Variants in DNAJC3 observed in about 807,000 individuals in gnomAD.
DNAJC3 encodes the protein DnaJ heat shock protein family (Hsp40) member C3.
Under a neutral mutation model 68.6 loss-of-function variants are expected in DNAJC3, and 38 were observed. The ratio of observed to expected loss-of-function variants is 0.55; its 90% CI spans 0.43 to 0.73. The LOEUF is 0.73. Among genes scored for constraint, DNAJC3 ranks in the 30% least tolerant of loss-of-function variants. The pLI is 0.00. For synonymous variants in DNAJC3, 203 were observed against 204.0 expected (o/e 1.00, Z 0.04); for missense variants, 526 against 591.9 (o/e 0.89, Z 1.16).
rs1282984235 is a variant in DNAJC3, at chr13:95,792,468, G to GAAATC, written c.*1441_*1445dup. 1 of 151,992 alleles carries GAAATC rather than the reference G, an allele frequency of 6.6e-6. No homozygotes were observed. The highest frequency in any genetic ancestry group is 2.4e-5 in the African/African-American group (1 of 41,380). 9.4% of individuals were successfully genotyped at this position (151,992 alleles called of 1,614,324 possible). On this transcript the variant is annotated 3_prime_UTR_variant, in exon 12 of 12. Transcript: ENST00000602402. The stretch of plus-strand genomic sequence containing the variant: ...AAGGGTCTAATTTTTTTTTCTTAAT[G>GAAATC]AAATCAAGCATTTTAATTCACTGTG...
intron 1 of DNAJC3, among the ~76,000 whole-genome samples, chr13:95,681,149 G>A (rs1879899345): frequency 6.6e-6 from 1 of 152,104 alleles, no homozygotes; most frequent in Admixed American, 6.6e-5. Context: ...TCCCGCTTTA[G>A]ACTGAGTGGT....
intron 9 of DNAJC3, among the ~76,000 whole-genome samples, chr13:95,765,567 G>GTTTTTTTT (rs1024972959): frequency 9.8e-6 from 1 of 102,348 alleles, no homozygotes; most frequent in African/African-American, 3.8e-5. Flanking sequence ...TAATTGATCT[G>GTTTTTTTT]TTTTTTTTTT....
At chr13:95,688,479 C>T (rs1289402369) in intron 1 of DNAJC3, among the ~76,000 whole-genome samples, 1 of 148,398 alleles carries the variant, frequency 6.7e-6, no homozygotes, top group Non-Finnish European at 1.5e-5. Context: ...GGATTTTTAT[C>T]ATACAGGGGT....
At chr13:95,688,241 C>T (rs893500926) in intron 1 of DNAJC3, among the ~76,000 whole-genome samples, 1 of 152,112 alleles carries the variant, frequency 6.6e-6, no homozygotes, top group Admixed American at 6.5e-5. Context: ...TATTTGACTT[C>T]TTTTCCTATT....
At position 95,764,762 on chromosome 13, in the gene DNAJC3, T is replaced by TATATAATACATGTATATATATAC. The variant is rs1486802813; in HGVS notation, c.1075+814_1075+815insATACATGTATATATATACATATA. Among the ~76,000 whole-genome samples, 5 of 124,080 alleles carry TATATAATACATGTATATATATAC rather than the reference T, an allele frequency of 4.0e-5. No homozygotes were observed. The East Asian group carries it at 1.1e-3, about 28-fold the overall frequency. 81.4% of individuals were successfully genotyped at this position (124,080 alleles called of 152,430 possible). ...TATATAATACATGTATATATATACATATATATATATAGTTTTGTGCCTTTT... is the reference window on the plus strand; with the variant it reads ...TATATAATACATGTATATATATACATATATAATACATGTATATATATACATATATATATAGTTTTGTGCCTTTT... On this transcript the variant is annotated intron_variant, in intron 9 of 11. Coordinates refer to ENST00000602402, the MANE Select transcript of DNAJC3 (RefSeq NM_006260.5).
intron 1 of DNAJC3, chr13:95,694,975 G>A (rs1880394847): frequency 4.6e-5 from 7 of 152,476 alleles, no homozygotes; most frequent in Admixed American, 4.6e-4. Context: ...ACTCCCATGA[G>A]GCCAAATATC....
chr13:95,785,927 A>G lies in DNAJC3; in HGVS notation c.1076-12A>G, dbSNP rs375240571. The G allele has an allele frequency of 3.1e-5, 48 of 1,572,536 alleles. No homozygotes were observed. Among genetic ancestry groups the G allele is most frequent in the African/African-American group, 5.5e-5 (4 of 72,390 alleles). ...TTGCCTTAACAATATTATCTTAAAC[A>G]TATTTTGACAGCTATTCAGGATTAT... On this transcript the variant is annotated splice_polypyrimidine_tract_variant and intron_variant, in intron 9 of 11. Transcript: ENST00000602402.
chr13:95,710,237 T>TC (rs201990215), intron 2 of DNAJC3, among the ~76,000 whole-genome samples: 2 of 150,756 alleles, frequency 1.3e-5, no homozygotes, highest in African/African-American at 4.9e-5. Flanking sequence ...TCTTTTCTTT[T>TC]TTTTTTTTTT....
chr13:95,778,953 A>G (rs932583486), intron 9 of DNAJC3, among the ~76,000 whole-genome samples: 1 of 152,220 alleles, frequency 6.6e-6, no homozygotes, highest in Non-Finnish European at 1.5e-5. Context: ...GAAGTCAGAT[A>G]TGAATCAGCC....
intron 4 of DNAJC3, among the ~76,000 whole-genome samples, chr13:95,739,795 G>A (rs1882061823): frequency 6.6e-6 from 1 of 152,150 alleles, no homozygotes; most frequent in Admixed American, 6.5e-5. Context: ...ATCGTCTGAA[G>A]CCTTCTTCTC....
At chr13:95,716,017 G>A (rs1881133137) in intron 2 of DNAJC3, among the ~76,000 whole-genome samples, 1 of 151,886 alleles carries the variant, frequency 6.6e-6, no homozygotes, top group African/African-American at 2.4e-5. Flanking sequence ...AGTTAACCGG[G>A]CGTGGTGGCA....
At chr13:95,715,669 G>A (rs539202017) in intron 2 of DNAJC3, among the ~76,000 whole-genome samples, 1 of 151,446 alleles carries the variant, frequency 6.6e-6, no homozygotes, top group South Asian at 2.1e-4. Context: ...TGTATTTTTA[G>A]TAGAGACGGG....
chr13:95,704,606 T>C (rs1880669050), intron 1 of DNAJC3, among the ~76,000 whole-genome samples: 1 of 152,160 alleles, frequency 6.6e-6, no homozygotes, highest in Non-Finnish European at 1.5e-5. Context: ...TGTGAGTCTA[T>C]GAATGGTGGA....
chr13:95,689,308 T>C (rs1182388831), intron 1 of DNAJC3, among the ~76,000 whole-genome samples: 1 of 151,954 alleles, frequency 6.6e-6, no homozygotes, highest in Non-Finnish European at 1.5e-5. Flanking sequence ...GATTTCTGTT[T>C]CTTCTTGGTT....
At chr13:95,738,206 G>C (rs917752826) in intron 4 of DNAJC3, among the ~76,000 whole-genome samples, 1 of 148,892 alleles carries the variant, frequency 6.7e-6, no homozygotes, top group Non-Finnish European at 1.5e-5. Context: ...TATAATTTCT[G>C]TTCTTTTACA....
chr13:95,699,522 G>A (rs1266710180), intron 1 of DNAJC3, among the ~76,000 whole-genome samples: 2 of 152,186 alleles, frequency 1.3e-5, no homozygotes, highest in African/African-American at 2.4e-5. Context: ...GGTTGAGTGA[G>A]TCAAGCATGA....
chr13:95,768,478 A>G (rs1327877792), intron 9 of DNAJC3, among the ~76,000 whole-genome samples: 2 of 152,240 alleles, frequency 1.3e-5, no homozygotes, highest in Admixed American at 6.5e-5. Context: ...AGTAATATCA[A>G]TAATTCTGTG....
chr13:95,728,129 C>A (rs781438085), intron 4 of DNAJC3, among the ~76,000 whole-genome samples: 1 of 152,066 alleles, frequency 6.6e-6, no homozygotes, highest in Non-Finnish European at 1.5e-5. Context: ...GGGTTGTTTC[C>A]ATTTCTTGGC....
chr13:95,780,990 G>C (rs901176639), intron 9 of DNAJC3, among the ~76,000 whole-genome samples: 11 of 152,098 alleles, frequency 7.2e-5, no homozygotes, highest in African/African-American at 2.4e-4. Context: ...TTCAAATGCT[G>C]GTCTGTGCTG....
Sources: gnomAD v4.1 joint callset for allele counts (sites outside exome capture counted in the v4.1 genomes callset) on GRCh38, gnomAD v4.1.1 for gene constraint, MANE v1.5 for transcripts, NCBI Gene and HGNC (gene_info 2026-07-23, HGNC 2026-07-21) for gene names.